Variants in DGKI observed in about 807,000 individuals in gnomAD.
DGKI encodes diacylglycerol kinase iota.
A neutral mutation model predicts 147.5 loss-of-function variants in DGKI; 55 were observed. The observed-to-expected ratio is 0.37, with a 90% CI of 0.30 to 0.47. The LOEUF is 0.47. Among genes scored for constraint, DGKI ranks in the 20% least tolerant of loss-of-function variants. The pLI, the probability that DGKI is intolerant of heterozygous loss-of-function variation, is 1.00. For missense variants in DGKI, 1,007 were observed against 1,323.8 expected, an observed-to-expected ratio of 0.76 and a Z score of 3.71; for synonymous variants, 469 against 477.1, an observed-to-expected ratio of 0.98 and a Z score of 0.22.
At chr7:137,731,000 A>G (rs543949698) in intron 1 of DGKI, among the ~76,000 whole-genome samples, 11 of 152,230 alleles carry the variant, frequency 7.2e-5, no homozygotes, top group Admixed American at 5.2e-4. Context: ...TAAGATGGCC[A>G]CAAGCAAAAG....
intron 21 of DGKI, among the ~76,000 whole-genome samples, chr7:137,511,118 A>C (rs1281812412): frequency 6.6e-6 from 1 of 152,212 alleles, no homozygotes; most frequent in Non-Finnish European, 1.5e-5. Context: ...CAAAGATGTT[A>C]TTTTCAGATT....
At chr7:137,464,202 A>G (rs540506970) in intron 26 of DGKI, among the ~76,000 whole-genome samples, 1 of 147,594 alleles carries the variant, frequency 6.8e-6, no homozygotes, top group East Asian at 2.1e-4. Context: ...GCTTGCAGTG[A>G]GCCAAGATCG....
intron 20 of DGKI, among the ~76,000 whole-genome samples, chr7:137,528,259 T>C (rs1217177011): frequency 6.6e-6 from 1 of 151,546 alleles, no homozygotes; most frequent in Non-Finnish European, 1.5e-5. Context: ...ATGTTCCCAC[T>C]TTTTATCTCC....
intron 1 of DGKI, among the ~76,000 whole-genome samples, chr7:137,694,199 T>A (rs1823707769): frequency 6.6e-6 from 1 of 151,730 alleles, no homozygotes. Context: ...CGGGCGCCTG[T>A]AGTCCCAGCT....
chr7:137,789,981 T>C (rs1796799939), intron 1 of DGKI, among the ~76,000 whole-genome samples: 1 of 152,162 alleles, frequency 6.6e-6, no homozygotes, highest in Non-Finnish European at 1.5e-5. Context: ...ATAGCAAGGA[T>C]TGCACACTTC....
At chr7:137,762,967 C>T (rs980882329) in intron 1 of DGKI, among the ~76,000 whole-genome samples, 1 of 152,168 alleles carries the variant, frequency 6.6e-6, no homozygotes. Context: ...ACCTTATGGC[C>T]TCATCCAAAG....
At chr7:137,487,499 A>T (rs7802865) in intron 22 of DGKI, 111 bp downstream of exon 22, 96,278 of 980,036 alleles carry the variant, frequency 0.098, 5,417 homozygotes, top group African/African-American at 0.19. Context: ...AAGCCACCAC[A>T]TTTCCACTTC....
chr7:137,731,307 C>A (rs1794878228), intron 1 of DGKI, among the ~76,000 whole-genome samples: 2 of 152,056 alleles, frequency 1.3e-5, no homozygotes, highest in Non-Finnish European at 2.9e-5. Flanking sequence ...TTTTTGCCTA[C>A]AGATTTATTA....
chr7:137,425,829 C>T (rs1018482146), intron 28 of DGKI, among the ~76,000 whole-genome samples: 39 of 151,776 alleles, frequency 2.6e-4, no homozygotes, highest in African/African-American at 5.1e-4. Context: ...TGAAATGAAG[C>T]GAGAAGGGAA....
intron 6 of DGKI, among the ~76,000 whole-genome samples, chr7:137,634,080 TA>T (rs1306687706): frequency 1.3e-5 from 2 of 152,200 alleles, no homozygotes; most frequent in Non-Finnish European, 2.9e-5. Flanking sequence ...TATGCTAGAA[TA>T]TCCTCTCCAA....
intron 1 of DGKI, among the ~76,000 whole-genome samples, chr7:137,794,059 A>T (rs1334860180): frequency 1.3e-5 from 2 of 152,212 alleles, no homozygotes; most frequent in Non-Finnish European, 2.9e-5. Context: ...TTTATAGAGC[A>T]TCTATGAAAT....
chr7:137,779,947 G>C (rs1204819791), intron 1 of DGKI, among the ~76,000 whole-genome samples: 1 of 152,188 alleles, frequency 6.6e-6, no homozygotes, highest in Non-Finnish European at 1.5e-5. Context: ...AGTGAAGATA[G>C]AGAAAATAAA....
intron 30 of DGKI, among the ~76,000 whole-genome samples, chr7:137,404,970 G>T (rs1811888434): frequency 6.6e-6 from 1 of 152,236 alleles, no homozygotes; most frequent in Non-Finnish European, 1.5e-5. Context: ...CTATATTTGG[G>T]GTTAGAAACT....
At chr7:137,640,101 T>G (rs1446914796) in intron 6 of DGKI, among the ~76,000 whole-genome samples, 5 of 151,836 alleles carry the variant, frequency 3.3e-5, no homozygotes, top group Non-Finnish European at 5.9e-5. Context: ...TTACAGGCAC[T>G]ATGGTGTACA....
intron 8 of DGKI, among the ~76,000 whole-genome samples, chr7:137,616,253 A>G (rs1820527283): frequency 6.6e-6 from 1 of 152,180 alleles, no homozygotes; most frequent in Admixed American, 6.5e-5. Context: ...TAGAGTAAGA[A>G]TAACAGGATA....
intron 17 of DGKI, among the ~76,000 whole-genome samples, chr7:137,576,919 C>G (rs1468443210): frequency 6.6e-6 from 1 of 152,146 alleles, no homozygotes; most frequent in Non-Finnish European, 1.5e-5. Flanking sequence ...TCCCTTTGTG[C>G]CACAACCATA....
chr7:137,672,998 T>G (rs1047120247), intron 3 of DGKI, among the ~76,000 whole-genome samples: 3 of 152,002 alleles, frequency 2.0e-5, no homozygotes, highest in Non-Finnish European at 4.4e-5. Flanking sequence ...GTCAGGCTGG[T>G]CTTGAACTCC....
At chr7:137,700,979 G>A (rs1019691817) in intron 1 of DGKI, among the ~76,000 whole-genome samples, 1 of 152,128 alleles carries the variant, frequency 6.6e-6, no homozygotes, top group East Asian at 1.9e-4. Context: ...GCCACAAAGA[G>A]AAGTCAGGTT....
intron 1 of DGKI, among the ~76,000 whole-genome samples, chr7:137,832,057 T>C (rs1444483995): frequency 6.6e-6 from 1 of 152,240 alleles, no homozygotes; most frequent in Non-Finnish European, 1.5e-5. Context: ...TCCCATGGTC[T>C]TGGGCAGCTC....
Sources: allele counts gnomAD v4.1 joint callset (sites outside exome capture counted in the v4.1 genomes callset), GRCh38; gene constraint gnomAD v4.1.1; transcripts MANE v1.5; gene names NCBI Gene and HGNC (gene_info 2026-07-23, HGNC 2026-07-21).